The following HERC1 variants were observed in gnomAD, a reference collection of about 807,000 sequenced individuals.
HERC1 encodes probable E3 ubiquitin-protein ligase HERC1.
A neutral mutation model predicts 554.3 loss-of-function variants in HERC1; 160 were observed. The observed-to-expected ratio is 0.29, with a 90% CI of 0.25 to 0.33. The LOEUF (loss-of-function observed/expected upper bound fraction) is 0.33, where lower values mean the gene tolerates loss of function less well. Ranked by LOEUF, HERC1 falls within the 10% of genes least tolerant of loss-of-function variation. The pLI is 1.00. For synonymous variants in HERC1, 2,175 were observed against 2,131.7 expected, an observed-to-expected ratio of 1.02 and a Z score of -0.56; for missense variants, 4,919 against 5,918.5, an observed-to-expected ratio of 0.83 and a Z score of 5.54.
chr15:63,754,428 C>T (rs1377607479), intron 7 of HERC1, 77 bp downstream of exon 7: 19 of 1,101,394 alleles, frequency 1.7e-5, no homozygotes, highest in African/African-American at 3.1e-5. Context: ...CTACACTAGG[C>T]ATATATAACT....
intron 74 of HERC1, among the ~76,000 whole-genome samples, chr15:63,619,948 C>G (rs2067999460): frequency 6.6e-6 from 1 of 152,130 alleles, no homozygotes; most frequent in Non-Finnish European, 1.5e-5. Context: ...AAAACCAGCT[C>G]CTGGATTCAT....
At position 63,694,383 on chromosome 15, in the gene HERC1, A is replaced by T. The variant is rs200252549; in HGVS notation, c.5409T>A (p.Gly1803=). ...TCAAAGCTGTGCTAAGCTGGGAAAC[A>T]CCCGTCTTTGGCAACAACTGCAGGG... ...GQPLQLLPKT[G]VSQLSTALKV... Residue 1803 remains glycine (G), a synonymous_variant, in exon 29 of 78, where the codon GGT becomes GGA. Transcript: ENST00000443617. This position sits in a 1 kb window ranked among gnomAD's most constrained non-coding sequence, Gnocchi z 4.3. The T allele has an allele frequency of 8.3e-5, 134 of 1,613,936 alleles. No individual in the cohort carries two copies. The African/African-American group carries it at 1.4e-3, about 17-fold the overall frequency.
rs768516105 is a variant in HERC1, at chr15:63,609,271, G to A, written c.14401-5C>T. 7.5e-6 allele frequency: 12 copies of A among 1,603,756 alleles called. 1 individual carries two copies. The Admixed American group carries it at 1.9e-4, about 25-fold the overall frequency. On this transcript the variant is annotated splice_polypyrimidine_tract_variant and splice_region_variant and intron_variant, in intron 77 of 77. Transcript: ENST00000443617. ...GGTAGGCAGACTGTCGTAAGGCTGTGGAGAGAGACCCAGAGCCGTGACTGG... is the reference window on the plus strand; with the variant it reads ...GGTAGGCAGACTGTCGTAAGGCTGTAGAGAGAGACCCAGAGCCGTGACTGG...
At position 63,692,533 on chromosome 15, in the gene HERC1, T is replaced by C; in HGVS notation, c.5708A>G (p.His1903Arg). 6.2e-7 allele frequency: 1 copy of C among 1,611,982 alleles called. No homozygotes were observed. Among genetic ancestry groups the C allele is most frequent in the East Asian group, 2.2e-5 (1 of 44,802 alleles). Residue 1903 changes from histidine to arginine, a missense_variant, in exon 31 of 78, where the codon CAT becomes CGT. Physicochemically the swap from His to Arg is conservative, Grantham distance 29 (BLOSUM62 0). This residue lies in a region of HERC1 where 1,121 missense variants were observed against 1,244.0 expected (regional missense o/e 0.90). Transcript: ENST00000443617. This position sits in a 1 kb window ranked among gnomAD's most constrained non-coding sequence, Gnocchi z 4.7. ...AAGAAAAACTAAAAAATCCCCTAGA[T>C]GGAGTTCGGCTGCATGTTGTTTCCT... is the stretch of plus-strand genomic sequence containing the variant. ...ALRKQHAAELHLGDFLVFLRR... is the reference protein window; with the variant it reads ...ALRKQHAAELRLGDFLVFLRR...
In HERC1 at chr15:63,734,328, G is replaced by A. The variant is rs539910447; in HGVS notation, c.2646+396C>T. Among the ~76,000 whole-genome samples, 5 of 152,086 alleles carry A rather than the reference G, an allele frequency of 3.3e-5. No individual in the cohort carries two copies. The South Asian group carries it at 6.2e-4, about 19-fold the overall frequency. On this transcript the variant is annotated intron_variant, in intron 13 of 77. Transcript: ENST00000443617. This position sits in a 1 kb window ranked among gnomAD's most constrained non-coding sequence, Gnocchi z 4.6. Reference sequence around the variant, plus strand: ...ATATAAGATAAAAATGGAAAGAAAAGTATACTCATATTATCAAATACTTTT... The same window carrying A: ...ATATAAGATAAAAATGGAAAGAAAAATATACTCATATTATCAAATACTTTT...
chr15:63,634,858 C>T lies in HERC1; in HGVS notation c.12445G>A (p.Val4149Ile), dbSNP rs771377270. ...MSCGFKHSAV[V>I]TSDGKLFTFG... ...GTGAACAGTTTGCCATCTGAAGTGA[C>T]CACTGCTGAGTGCTTGAAGCCACAA... The change falls in exon 66 of 78, where the codon GTC (valine) becomes ATC (isoleucine). Residue 4149 changes from valine (V) to isoleucine (I), a missense_variant. This residue lies in a region of HERC1 where 410 missense variants were observed against 467.0 expected (regional missense o/e 0.88). Coordinates refer to ENST00000443617, the MANE Select transcript of HERC1 (RefSeq NM_003922.4). 6 of 1,613,582 alleles carry T rather than the reference C, an allele frequency of 3.7e-6. No individual in the cohort carries two copies. The East Asian group carries it at 1.1e-4, about 30-fold the overall frequency.
rs914345269 is a variant in HERC1, at chr15:63,616,515, T to C, written c.13856A>G (p.Glu4619Gly). 3 of 1,613,836 alleles carry C rather than the reference T, an allele frequency of 1.9e-6. No individual in the cohort carries two copies. In the African/African-American group the frequency reaches 4.0e-5, roughly 22 times the overall value. Residue 4619 changes from glutamate to glycine, a missense_variant, in exon 75 of 78, where the codon GAG becomes GGG. Coordinates refer to ENST00000443617, the MANE Select transcript of HERC1 (RefSeq NM_003922.4). ...CTGCACGTAGAGCAGATCCACCTCC[T>C]CCAGGTCCTCTAGGGTGAGTGGGAC... ...CCVPLTLEDL[E>G]EVDLLYVQTL...
At chr15:63,750,564 T>C (rs1269775604) in intron 8 of HERC1, among the ~76,000 whole-genome samples, 1 of 152,182 alleles carries the variant, frequency 6.6e-6, no homozygotes, top group Admixed American at 6.5e-5. Flanking sequence ...GCCATCAAAT[T>C]TGAGAATTTG....
chr15:63,728,938 T>TAA lies in HERC1; in HGVS notation c.3154+297_3154+298insTT, dbSNP rs770900168. The stretch of plus-strand genomic sequence containing the variant: ...GAGAAAGGTAAAGAAAGAGCAGGTT[T>TAA]TAAAAAAAAAAAAAAAGAGCAGATT... On this transcript the variant is annotated intron_variant, in intron 16 of 77. Coordinates refer to ENST00000443617, the MANE Select transcript of HERC1 (RefSeq NM_003922.4). Among the ~76,000 whole-genome samples the TAA allele has an allele frequency of 0.05, 6,531 of 130,486 alleles. 209 individuals are homozygous for TAA. The highest frequency in any genetic ancestry group is 0.087 in the Middle Eastern group (21 of 242). 85.6% of individuals were successfully genotyped at this position (130,486 alleles called of 152,430 possible). A position where few individuals can be genotyped will look rare whatever the true frequency, so the allele number is the denominator to read the frequency against.
chr15:63,669,352 C>T (rs899104473), intron 40 of HERC1, among the ~76,000 whole-genome samples, 186 bp downstream of exon 40: 4 of 152,188 alleles, frequency 2.6e-5, no homozygotes, highest in Non-Finnish European at 5.9e-5. Flanking sequence ...TATTTCTCTC[C>T]GAAATGGCCA....
intron 24 of HERC1, among the ~76,000 whole-genome samples, chr15:63,711,004 A>T (rs1405160537): frequency 6.6e-6 from 1 of 152,202 alleles, no homozygotes; most frequent in Non-Finnish European, 1.5e-5. Context: ...CAGGACTCTG[A>T]GCAGAGAAAC....
intron 48 of HERC1, among the ~76,000 whole-genome samples, chr15:63,657,963 G>A (rs2070141772): frequency 2.0e-5 from 3 of 151,924 alleles, no homozygotes; most frequent in Admixed American, 2.0e-4. Flanking sequence ...TATATGTATG[G>A]GTCAGTTTCT....
chr15:63,630,418 G>A, intron 69 of HERC1, 48 bp downstream of exon 69: 1 of 1,565,774 alleles, frequency 6.4e-7, no homozygotes, highest in Non-Finnish European at 8.7e-7. Flanking sequence ...GAGGAACACT[G>A]TGAGATTTCT....
At chr15:63,726,004 C>T (rs1414300972) in intron 17 of HERC1, among the ~76,000 whole-genome samples, 1 of 152,036 alleles carries the variant, frequency 6.6e-6, no homozygotes, top group African/African-American at 2.4e-5. Flanking sequence ...GGGGAGCAGA[C>T]AGAGTCTCGT....
In HERC1 at chr15:63,756,653, G is replaced by A; in HGVS notation, c.1317C>T (p.Asp439=). The change falls in exon 5 of 78, where the codon GAC becomes GAT. Residue 439 remains aspartate (D), a synonymous_variant. Transcript: ENST00000443617. The surrounding 1 kb of genome is among the most constrained non-coding windows in gnomAD (Gnocchi z 5.0). Reference sequence around the variant, plus strand: ...TTTTTAAAGTTGACTGATTATTGGAGTCTCCAAGGCCCAGTCTCCCATAGC... The same window carrying A: ...TTTTTAAAGTTGACTGATTATTGGAATCTCCAAGGCCCAGTCTCCCATAGC... ...KGSYGRLGLG[D]SNNQSTLKKL... 1 of 1,613,130 alleles carries A rather than the reference G, an allele frequency of 6.2e-7. No homozygotes were observed. Among genetic ancestry groups the A allele is most frequent in the South Asian group, 1.1e-5 (1 of 90,992 alleles).
At chr15:63,806,640 G>T (rs1349594220) in intron 1 of HERC1, among the ~76,000 whole-genome samples, 1 of 152,192 alleles carries the variant, frequency 6.6e-6, no homozygotes, top group African/African-American at 2.4e-5. Context: ...TTGTAGAAGA[G>T]GAATTAATTC....
At chr15:63,707,548 G>A (rs74021322) in intron 24 of HERC1, among the ~76,000 whole-genome samples, 3,876 of 152,190 alleles carry the variant, frequency 0.025, 150 homozygotes, top group African/African-American at 0.09. Context: ...ACTTAAGCTT[G>A]TGCATAGACT....
At chr15:63,800,064 G>A (rs2076930864) in intron 1 of HERC1, among the ~76,000 whole-genome samples, 1 of 152,120 alleles carries the variant, frequency 6.6e-6, no homozygotes, top group South Asian at 2.1e-4. Flanking sequence ...AGCCACAGGA[G>A]GTCAAGGCTA....
intron 1 of HERC1, among the ~76,000 whole-genome samples, chr15:63,783,034 AT>A (rs2143394863): frequency 6.6e-6 from 1 of 152,362 alleles, no homozygotes; most frequent in South Asian, 2.1e-4. Flanking sequence ...GAAATGAAAG[AT>A]ATTCCTGGTG....
Sources: allele counts gnomAD v4.1 joint callset (sites outside exome capture counted in the v4.1 genomes callset), GRCh38; gene constraint gnomAD v4.1.1; regional missense constraint gnomAD v4.1.1; non-coding constraint Gnocchi (gnomAD v3.1); transcripts MANE v1.5; gene names NCBI Gene and HGNC (gene_info 2026-07-23, HGNC 2026-07-21).